RCOR1: variants seen among roughly 807,000 people sequenced by gnomAD.
RCOR1 encodes the protein REST corepressor.
A neutral mutation model predicts 64.0 loss-of-function variants in RCOR1; 12 were observed. The ratio of observed to expected loss-of-function variants is 0.19; its 90% CI spans 0.12 to 0.30. RCOR1 has a LOEUF of 0.30. Among genes scored for constraint, RCOR1 ranks in the 10% least tolerant of loss-of-function variants. The probability of loss-of-function intolerance (pLI) is 1.00; values close to 1 mark genes in which losing one functional copy is unlikely to be tolerated. For missense variants in RCOR1, 502 were observed against 621.2 expected (o/e 0.81, Z 2.04); for synonymous variants, 279 against 227.2 (o/e 1.23, Z -2.05).
At chr14:102,605,305 C>G (rs1290169762) in intron 2 of RCOR1, among the ~76,000 whole-genome samples, 2 of 152,038 alleles carry the variant, frequency 1.3e-5, no homozygotes. Flanking sequence ...TTGCTTTATT[C>G]CTGCATGTAT....
intron 2 of RCOR1, chr14:102,649,719 G>A (rs1484537724): frequency 6.8e-6 from 6 of 881,936 alleles, no homozygotes; most frequent in Non-Finnish European, 8.2e-6. Context: ...TGCATGGCTT[G>A]TAAATCTGGT....
chr14:102,704,237 G>A (rs1298211292), intron 4 of RCOR1, among the ~76,000 whole-genome samples: 1 of 152,216 alleles, frequency 6.6e-6, no homozygotes, highest in African/African-American at 2.4e-5. Context: ...GCCACTGTCA[G>A]GAGAGCTCTG....
chr14:102,628,893 C>CT (rs569423625), intron 2 of RCOR1, among the ~76,000 whole-genome samples: 16,274 of 139,186 alleles, frequency 0.12, 1,065 homozygotes, highest in African/African-American at 0.14. Context: ...CCAACTTGCT[C>CT]TTTTTTTTTT....
chr14:102,636,487 G>A (rs1894240422), intron 2 of RCOR1, among the ~76,000 whole-genome samples: 1 of 151,726 alleles, frequency 6.6e-6, no homozygotes, highest in African/African-American at 2.4e-5. Flanking sequence ...CACTATGTTG[G>A]CCAGGCTGGT....
chr14:102,648,280 T>C (rs565060487), intron 2 of RCOR1, among the ~76,000 whole-genome samples: 39 of 152,318 alleles, frequency 2.6e-4, no homozygotes, highest in Admixed American at 2.3e-3. Flanking sequence ...GGTTTCACCA[T>C]GTCGGCGAGG....
chr14:102,682,024 A>G, intron 3 of RCOR1, 46 bp downstream of exon 3: 1 of 1,288,466 alleles, frequency 7.8e-7, no homozygotes, highest in African/African-American at 1.5e-5. Context: ...GTTTAATGTA[A>G]GGTTTTAAAG....
intron 3 of RCOR1, among the ~76,000 whole-genome samples, chr14:102,696,101 A>C (rs1280353942): frequency 6.6e-6 from 1 of 152,092 alleles, no homozygotes; most frequent in African/African-American, 2.4e-5. Context: ...GATCATTATT[A>C]TCATCTGATG....
chr14:102,658,156 G>T (rs1443927504), intron 2 of RCOR1, among the ~76,000 whole-genome samples: 1 of 152,000 alleles, frequency 6.6e-6, no homozygotes, highest in Non-Finnish European at 1.5e-5. Flanking sequence ...TGTATTTTTA[G>T]TGGAGACGGG....
intron 2 of RCOR1, among the ~76,000 whole-genome samples, chr14:102,628,538 C>CAAAA (rs371262191): frequency 1.6e-5 from 2 of 127,320 alleles, no homozygotes; most frequent in Admixed American, 8.1e-5. Context: ...ACTGCAACTC[C>CAAAA]AAAAAAAAAA....
At chr14:102,619,154 T>C (rs547218509) in intron 2 of RCOR1, among the ~76,000 whole-genome samples, 24 of 152,176 alleles carry the variant, frequency 1.6e-4, no homozygotes, top group Non-Finnish European at 2.9e-4. Flanking sequence ...GGAGTTTCGC[T>C]CTTGTTGCCC....
intron 11 of RCOR1, 31 bp from the exon 12 acceptor site, chr14:102,726,437 C>CTTTTTT: frequency 1.4e-6 from 2 of 1,412,312 alleles, no homozygotes; most frequent in Admixed American, 4.2e-5. Context: ...CTCTTTGATC[C>CTTTTTT]TTTTTTTTTT....
In RCOR1 at chr14:102,647,371, C is replaced by T. The variant is rs578159906; in HGVS notation, c.362-34524C>T. Among the ~76,000 whole-genome samples, 254 of 152,280 alleles carry T rather than the reference C, an allele frequency of 1.7e-3. 2 individuals carry two copies. The highest frequency in any genetic ancestry group is 3.4e-3 in the Middle Eastern group (1 of 294). Reference sequence around the variant, plus strand: ...CTCGCTCTTTCGCTGGGCTGGAATGCGGTGGTGTGATCTCGGCTCACTGCA... The same window carrying T: ...CTCGCTCTTTCGCTGGGCTGGAATGTGGTGGTGTGATCTCGGCTCACTGCA... On this transcript the variant is annotated intron_variant, in intron 2 of 11. Transcript: ENST00000262241.
chr14:102,714,687 T>G, intron 8 of RCOR1, 70 bp downstream of exon 8: 3 of 1,206,706 alleles, frequency 2.5e-6, no homozygotes, highest in Non-Finnish European at 3.5e-6. Context: ...GTTATTCATA[T>G]ATGTGAATGT....
intron 2 of RCOR1, among the ~76,000 whole-genome samples, chr14:102,613,590 G>A (rs1222958368): frequency 6.6e-6 from 1 of 151,510 alleles, no homozygotes; most frequent in Non-Finnish European, 1.5e-5. Flanking sequence ...CCGCCACTGC[G>A]CCCGGCTAAT....
chr14:102,685,742 A>G (rs1895404809), intron 3 of RCOR1, among the ~76,000 whole-genome samples: 1 of 152,172 alleles, frequency 6.6e-6, no homozygotes, highest in African/African-American at 2.4e-5. Context: ...CGAGCTGATC[A>G]CTTGAGCTCA....
At chr14:102,606,145 T>C (rs995345125) in intron 2 of RCOR1, among the ~76,000 whole-genome samples, 2 of 152,170 alleles carry the variant, frequency 1.3e-5, no homozygotes, top group Non-Finnish European at 2.9e-5. Flanking sequence ...AGGCTGGCCT[T>C]GAACTCCCGA....
intron 2 of RCOR1, among the ~76,000 whole-genome samples, chr14:102,631,010 G>A (rs1478517257): frequency 6.6e-6 from 1 of 151,996 alleles, no homozygotes; most frequent in Non-Finnish European, 1.5e-5. Context: ...CTTATGCAGT[G>A]GTTCAGGGCA....
At chr14:102,597,862 G>A (rs1001599805) in intron 2 of RCOR1, among the ~76,000 whole-genome samples, 3 of 151,100 alleles carry the variant, frequency 2.0e-5, no homozygotes, top group East Asian at 3.9e-4. Flanking sequence ...TGTTGCTCAG[G>A]CTGGGGTGCA....
intron 3 of RCOR1, among the ~76,000 whole-genome samples, chr14:102,693,952 A>G (rs1030340798): frequency 6.6e-6 from 1 of 152,022 alleles, no homozygotes; most frequent in Admixed American, 6.6e-5. Flanking sequence ...TGGCTTATCA[A>G]AGTGCTGGGA....
Sources: gnomAD v4.1 joint callset for allele counts (sites outside exome capture counted in the v4.1 genomes callset) on GRCh38, gnomAD v4.1.1 for gene constraint, MANE v1.5 for transcripts, NCBI Gene and HGNC (gene_info 2026-07-23, HGNC 2026-07-21) for gene names.